Variants in GLIS1 observed in about 807,000 individuals in gnomAD.
GLIS1 encodes zinc finger protein GLIS1.
A neutral mutation model predicts 63.8 loss-of-function variants in GLIS1; 24 were observed. The ratio of observed to expected loss-of-function variants is 0.38; its 90% CI spans 0.27 to 0.53. The LOEUF (loss-of-function observed/expected upper bound fraction) is 0.53, where lower values mean the gene tolerates loss of function less well. Ranked by LOEUF, GLIS1 falls within the 20% of genes least tolerant of loss-of-function variation. The pLI is 0.85. For missense variants in GLIS1, 1,036 were observed against 1,074.1 expected, an observed-to-expected ratio of 0.96 and a Z score of 0.50; for synonymous variants, 450 against 482.5, an observed-to-expected ratio of 0.93 and a Z score of 0.88.
chr1:53,538,002 G>A (rs1180204594), intron 4 of GLIS1, among the ~76,000 whole-genome samples: 2 of 152,220 alleles, frequency 1.3e-5, no homozygotes, highest in Non-Finnish European at 2.9e-5. Context: ...ATAATCCTGC[G>A]TTTGGCCAGC....
rs527308835 is a variant in GLIS1, at chr1:53,594,859, G to A, written c.569C>T (p.Pro190Leu). Residue 190 changes from proline to leucine, a missense_variant, in exon 4 of 11, where the codon CCG becomes CTG. Pro to Leu is a moderately conservative substitution (Grantham distance 98). Coordinates refer to ENST00000628545, the MANE Select transcript of GLIS1 (RefSeq NM_001367484.1). Reference sequence around the variant, plus strand: ...GTCTGGGTGCAGGCCAGTGGCCAGCGGGCCCCGACAGTGGGCAGACAGGGA... The same window carrying A: ...GTCTGGGTGCAGGCCAGTGGCCAGCAGGCCCCGACAGTGGGCAGACAGGGA... ...RTSLSAHCRG[P>L]LATGLHPDLD... 511 of 1,587,486 alleles carry A rather than the reference G, an allele frequency of 3.2e-4. 1 individual carries two copies. Among genetic ancestry groups the A allele is most frequent in the Non-Finnish European group, 4.0e-4 (466 of 1,171,060 alleles).
chr1:53,590,128 G>T (rs1354703254), intron 4 of GLIS1, among the ~76,000 whole-genome samples: 1 of 152,216 alleles, frequency 6.6e-6, no homozygotes, highest in East Asian at 1.9e-4. Flanking sequence ...CAATGCTGGA[G>T]TGTGATGGGG....
chr1:53,545,128 T>C (rs1306486842), intron 4 of GLIS1, among the ~76,000 whole-genome samples: 1 of 152,340 alleles, frequency 6.6e-6, no homozygotes, highest in East Asian at 1.9e-4. Flanking sequence ...CCTCCAATTC[T>C]GTGAAAACCA....
chr1:53,697,423 C>T (rs905302761), intron 2 of GLIS1, among the ~76,000 whole-genome samples: 1 of 152,202 alleles, frequency 6.6e-6, no homozygotes, highest in African/African-American at 2.4e-5. Flanking sequence ...CCTCTCTTCA[C>T]CCTTCAAAGC....
chr1:53,530,003 C>G, intron 4 of GLIS1, 51 bp from the exon 5 acceptor site: 1 of 1,573,044 alleles, frequency 6.4e-7, no homozygotes, highest in Non-Finnish European at 8.6e-7. Flanking sequence ...GCACCCCAAC[C>G]CTGCATGGAA....
At chr1:53,590,115 G>A (rs1569875444) in intron 4 of GLIS1, among the ~76,000 whole-genome samples, 3 of 152,348 alleles carry the variant, frequency 2.0e-5, no homozygotes, top group East Asian at 3.9e-4. Context: ...CATCACCTGA[G>A]ATCAATGCTG....
At chr1:53,548,912 T>C (rs543940723) in intron 4 of GLIS1, among the ~76,000 whole-genome samples, 2 of 152,326 alleles carry the variant, frequency 1.3e-5, no homozygotes, top group South Asian at 4.1e-4. Flanking sequence ...AAAGAAACCT[T>C]GTATCTACTA....
Position 53,529,784 on chromosome 1 carries a change from G to T in GLIS1, c.1482+7C>A. On this transcript the variant is annotated splice_region_variant and intron_variant, in intron 5 of 10. Coordinates refer to ENST00000628545, the MANE Select transcript of GLIS1 (RefSeq NM_001367484.1). ...CCCCGCCCTGGGCCTCTGCCTGTTG[G>T]GCCTACCGTGTCTAGGTGGGTGCGC... 1 of 1,609,784 alleles carries T rather than the reference G, an allele frequency of 6.2e-7. No homozygotes were observed.
intron 2 of GLIS1, among the ~76,000 whole-genome samples, chr1:53,603,242 C>G (rs1292943410): frequency 6.6e-6 from 1 of 152,162 alleles, no homozygotes; most frequent in Non-Finnish European, 1.5e-5. Context: ...CATTCAAGCC[C>G]TTGTCTGCTG....
chr1:53,620,623 C>T (rs1056957199), intron 2 of GLIS1, among the ~76,000 whole-genome samples: 3 of 152,266 alleles, frequency 2.0e-5, no homozygotes, highest in Non-Finnish European at 4.4e-5. Flanking sequence ...TGGCTCTCAT[C>T]CGCAGCTGGG....
intron 2 of GLIS1, among the ~76,000 whole-genome samples, chr1:53,622,427 C>CAAAAAAAAAAAAAAAAAAAAAAAAAAAA (rs60923620): frequency 7.6e-6 from 1 of 132,306 alleles, no homozygotes; most frequent in Non-Finnish European, 1.6e-5. Flanking sequence ...GACTATGTCT[C>CAAAAAAAAAAAAAAAAAAAAAAAAAAAA]AAAAAAAAAA....
chr1:53,545,579 A>G (rs1644689313), intron 4 of GLIS1, among the ~76,000 whole-genome samples: 2 of 152,254 alleles, frequency 1.3e-5, no homozygotes, highest in South Asian at 4.1e-4. Flanking sequence ...CACAGAGAGC[A>G]GCCTGGAAAA....
intron 2 of GLIS1, among the ~76,000 whole-genome samples, chr1:53,637,599 A>G (rs1270209292): frequency 6.6e-6 from 1 of 152,148 alleles, no homozygotes; most frequent in Non-Finnish European, 1.5e-5. Flanking sequence ...AGAAAAGTAC[A>G]CATACGGCTG....
At position 53,526,612 on chromosome 1, in the gene GLIS1, C is replaced by T. The variant is rs1328414527; in HGVS notation, c.1483-1725G>A. ...TACACACCCACGCACGGCACACACA[C>T]GTGCGTTCACATGTGCCCAGGCACA... is the stretch of plus-strand genomic sequence containing the variant. On this transcript the variant is annotated intron_variant, in intron 5 of 10. Transcript: ENST00000628545. The surrounding 1 kb of genome is among the most constrained non-coding windows in gnomAD (Gnocchi z 4.4). 2.0e-5 allele frequency among the ~76,000 whole-genome samples: 3 copies of T among 152,202 alleles called. No homozygotes were observed. The highest frequency in any genetic ancestry group is 2.1e-4 in the South Asian group (1 of 4,828).
intron 10 of GLIS1, among the ~76,000 whole-genome samples, chr1:53,507,487 G>C (rs1157970612): frequency 1.3e-5 from 2 of 152,220 alleles, no homozygotes; most frequent in Non-Finnish European, 2.9e-5. Flanking sequence ...GGAGGGGCCG[G>C]GAGGGGTGAT....
chr1:53,704,929 G>A (rs1234884509), intron 2 of GLIS1, among the ~76,000 whole-genome samples: 1 of 152,186 alleles, frequency 6.6e-6, no homozygotes, highest in African/African-American at 2.4e-5. Flanking sequence ...ACCACCTCAT[G>A]GGAGGCAGAA....
At position 53,524,595 on chromosome 1, in the gene GLIS1, C is replaced by G. The variant is rs555741650; in HGVS notation, c.1593+182G>C. On this transcript the variant is annotated intron_variant, in intron 6 of 10. Transcript: ENST00000628545. ...GGGTGTGGAAGGAAGGGCTGCGGGT[C>G]AGCAGAGACACTAAGGGCAGGTGGG... Among the ~76,000 whole-genome samples the G allele has an allele frequency of 3.4e-4, 51 of 152,198 alleles. 2 individuals are homozygous for G. The South Asian group carries it at 0.01, about 31-fold the overall frequency.
At chr1:53,631,009 T>G (rs1645646404) in intron 2 of GLIS1, among the ~76,000 whole-genome samples, 1 of 152,276 alleles carries the variant, frequency 6.6e-6, no homozygotes, top group Non-Finnish European at 1.5e-5. Context: ...CATCATTTTG[T>G]GAGAGCTTTT....
chr1:53,696,776 C>T (rs551866381), intron 2 of GLIS1, among the ~76,000 whole-genome samples: 1 of 152,340 alleles, frequency 6.6e-6, no homozygotes, highest in South Asian at 2.1e-4. Context: ...CCCGCCAGCG[C>T]TCAAGGGCCC....
Sources: allele counts gnomAD v4.1 joint callset (sites outside exome capture counted in the v4.1 genomes callset), GRCh38; gene constraint gnomAD v4.1.1; non-coding constraint Gnocchi (gnomAD v3.1); transcripts MANE v1.5; gene names NCBI Gene and HGNC (gene_info 2026-07-23, HGNC 2026-07-21).